The following SZRD1 variants were observed in gnomAD, a reference collection of about 807,000 sequenced individuals.
The protein encoded by SZRD1 is SUZ RNA binding domain containing 1.
A neutral mutation model predicts 17.6 loss-of-function variants in SZRD1; 7 were observed. The ratio of observed to expected loss-of-function variants is 0.40; its 90% CI spans 0.23 to 0.75. The LOEUF (loss-of-function observed/expected upper bound fraction) is 0.75, where lower values mean the gene tolerates loss of function less well. Among genes scored for constraint, SZRD1 ranks in the 30% least tolerant of loss-of-function variants. SZRD1 has a pLI of 0.38. For synonymous variants in SZRD1, 77 were observed against 77.9 expected, an observed-to-expected ratio of 0.99 and a Z score of 0.06; for missense variants, 178 against 201.8, an observed-to-expected ratio of 0.88 and a Z score of 0.71.
intron 1 of SZRD1, among the ~76,000 whole-genome samples, chr1:16,373,230 AGT>A (rs2082942407): frequency 1.1e-5 from 1 of 92,554 alleles, no homozygotes; most frequent in East Asian, 4.7e-4. Flanking sequence ...GGAGCTTTGA[AGT>A]TTTTTTTTTT....
chr1:16,377,063 C>T (rs1212773012), intron 1 of SZRD1, among the ~76,000 whole-genome samples: 1 of 152,148 alleles, frequency 6.6e-6, no homozygotes, highest in Admixed American at 6.6e-5. Flanking sequence ...TGCAATCCTC[C>T]TTTACCTGTT....
At chr1:16,370,453 C>T (rs1391397442) in intron 1 of SZRD1, among the ~76,000 whole-genome samples, 1 of 151,930 alleles carries the variant, frequency 6.6e-6, no homozygotes, top group Non-Finnish European at 1.5e-5. Context: ...TCTCGAACTC[C>T]TGGCCTCAAG....
chr1:16,373,503 T>G (rs1393466035), intron 1 of SZRD1, among the ~76,000 whole-genome samples: 2 of 144,402 alleles, frequency 1.4e-5, no homozygotes, highest in Non-Finnish European at 3.0e-5. Flanking sequence ...CGCTTGAACC[T>G]GGGAGGTGGA....
At chr1:16,368,852 C>G (rs953727477) in intron 1 of SZRD1, among the ~76,000 whole-genome samples, 1 of 152,178 alleles carries the variant, frequency 6.6e-6, no homozygotes, top group African/African-American at 2.4e-5. Context: ...CTTGGCCTTT[C>G]TTTGGTTTTC....
rs1173473980 is a variant in SZRD1 at position 16,395,467 on chromosome 1, A to G, written c.*327A>G. On this transcript the variant is annotated 3_prime_UTR_variant, in exon 4 of 4. Transcript: ENST00000401088. ...ACAGTGCCACTTGGCCACTTGGGGTAAAGCCAGTGCCAGCAATAACAGTTT... is the reference window on the plus strand; with the variant it reads ...ACAGTGCCACTTGGCCACTTGGGGTGAAGCCAGTGCCAGCAATAACAGTTT... 3 of 355,626 alleles carry G rather than the reference A, an allele frequency of 8.4e-6. No homozygotes were observed. The highest frequency in any genetic ancestry group is 3.1e-5 in the South Asian group (1 of 32,422). 22.0% of individuals were successfully genotyped at this position (355,626 alleles called of 1,614,324 possible).
At chr1:16,369,088 T>G (rs963169936) in intron 1 of SZRD1, 11 of 333,348 alleles carry the variant, frequency 3.3e-5, no homozygotes, top group African/African-American at 2.4e-4. Flanking sequence ...GTTCTTTCTT[T>G]TTTCTTTTGG....
intron 1 of SZRD1, among the ~76,000 whole-genome samples, chr1:16,383,211 C>T (rs541305986): frequency 6.6e-6 from 1 of 150,450 alleles, no homozygotes; most frequent in South Asian, 2.1e-4. Flanking sequence ...TTGCTTGCTT[C>T]TTTCCTTTTT....
rs374711991 is a variant in SZRD1 at position 16,393,293 on chromosome 1, C to T, written c.167C>T (p.Pro56Leu). The T allele has an allele frequency of 2.9e-5, 46 of 1,614,030 alleles. No individual in the cohort carries two copies. The African/African-American group carries it at 4.5e-4, about 16-fold the overall frequency. Residue 56 changes from proline to leucine, a missense_variant, in exon 3 of 4, where the codon CCC (proline) becomes CTC (leucine). By Grantham distance (98) the Pro-to-Leu change is moderately conservative (BLOSUM62 -3). Transcript: ENST00000401088. The surrounding 1 kb of genome is among the most constrained non-coding windows in gnomAD (Gnocchi z 5.6). ...CAGGACGATAGCCTTCCCGCGGGGC[C>T]CCCTCCACAGATCCGCATCCTCAAG... Reference protein sequence around the residue: ...VIQDDSLPAGPPPQIRILKRP... With the variant: ...VIQDDSLPAGLPPQIRILKRP...
In SZRD1 at chr1:16,397,571, G is replaced by A. The variant is rs536323544; in HGVS notation, c.*2431G>A. 1 of 152,280 alleles carries A rather than the reference G, an allele frequency of 6.6e-6. No individual in the cohort carries two copies. Among genetic ancestry groups the A allele is most frequent in the South Asian group, 2.1e-4 (1 of 4,826 alleles). The allele number at this position is 152,280 out of a possible 1,614,324, so 9.4% of individuals were successfully genotyped here. On this transcript the variant is annotated 3_prime_UTR_variant, in exon 4 of 4. Coordinates refer to ENST00000401088, the MANE Select transcript of SZRD1 (RefSeq NM_001114600.3). This position sits in a 1 kb window ranked among gnomAD's most constrained non-coding sequence, Gnocchi z 5.4. ...CTGCTGCCCCTTTATCTGCCTTCAC[G>A]GTACTGTCCCCTTCCCCCAGCTCCT...
intron 1 of SZRD1, chr1:16,387,676 T>C (rs756658825): frequency 2.2e-5 from 10 of 456,612 alleles, no homozygotes; most frequent in Non-Finnish European, 4.4e-5. Flanking sequence ...ATTCTACAGC[T>C]GTCAAGGCTC....
intron 1 of SZRD1, among the ~76,000 whole-genome samples, chr1:16,373,156 C>A (rs1029202409): frequency 6.7e-6 from 1 of 150,136 alleles, no homozygotes; most frequent in African/African-American, 2.5e-5. Context: ...TATGTAGGGG[C>A]CAGATTGGGA....
intron 1 of SZRD1, chr1:16,387,270 G>C (rs1460338333): frequency 2.2e-6 from 1 of 456,412 alleles, no homozygotes; most frequent in South Asian, 1.5e-5. Flanking sequence ...CCTTGTGCTG[G>C]AACTGGGCAG....
intron 1 of SZRD1, among the ~76,000 whole-genome samples, chr1:16,370,424 A>G (rs2100689234): frequency 6.6e-6 from 1 of 151,332 alleles, no homozygotes; most frequent in Admixed American, 6.6e-5. Context: ...ACGGGGTTTC[A>G]CCATGTTGGC....
intron 1 of SZRD1, among the ~76,000 whole-genome samples, chr1:16,383,363 G>A (rs1363631980): frequency 2.6e-5 from 4 of 151,888 alleles, no homozygotes; most frequent in African/African-American, 9.7e-5. Flanking sequence ...TGGGACTACA[G>A]GTGTGTGCCA....
intron 1 of SZRD1, among the ~76,000 whole-genome samples, chr1:16,380,815 C>A (rs2083088316): frequency 6.6e-6 from 1 of 152,036 alleles, no homozygotes; most frequent in Non-Finnish European, 1.5e-5. Flanking sequence ...CCATTTTGGC[C>A]AGGCTGGTCT....
chr1:16,379,017 G>T (rs1279407834), intron 1 of SZRD1, among the ~76,000 whole-genome samples: 11 of 149,730 alleles, frequency 7.3e-5, no homozygotes, highest in African/African-American at 2.7e-4. Flanking sequence ...GTGAGCCACT[G>T]TGCCCGACCT....
Position 16,392,126 on chromosome 1 carries a change from T to C in SZRD1, c.101+702T>C, listed in dbSNP as rs72904131. Among the ~76,000 whole-genome samples the C allele has an allele frequency of 3.5e-3, 529 of 152,264 alleles. 9 individuals are homozygous for C. In the East Asian group the frequency reaches 0.049, roughly 14 times the overall value. ...CTAGTTTTCCTGGCTCCCTGCCTCT[T>C]TGATCAGATTGCTGGCTCCTTGTCT... On this transcript the variant is annotated intron_variant, in intron 2 of 3. Coordinates refer to ENST00000401088, the MANE Select transcript of SZRD1 (RefSeq NM_001114600.3).
In SZRD1 at chr1:16,397,542, G is replaced by A. The variant is rs1331723589; in HGVS notation, c.*2402G>A. ...CCAGGGGGATGGGGGGCAGAAACCT[G>A]AGGCTGCTGCCCCTTTATCTGCCTT... On this transcript the variant is annotated 3_prime_UTR_variant, in exon 4 of 4. Transcript: ENST00000401088. The surrounding 1 kb of genome is among the most constrained non-coding windows in gnomAD (Gnocchi z 5.4). 1 of 152,248 alleles carries A rather than the reference G, an allele frequency of 6.6e-6. No individual in the cohort carries two copies. Among genetic ancestry groups the A allele is most frequent in the Non-Finnish European group, 1.5e-5 (1 of 68,080 alleles). 9.4% of individuals were successfully genotyped at this position (152,248 alleles called of 1,614,324 possible). A position where few individuals can be genotyped will look rare whatever the true frequency, so the allele number is the denominator to read the frequency against.
chr1:16,392,799 AC>A (rs1385420240), intron 2 of SZRD1, among the ~76,000 whole-genome samples: 1 of 152,004 alleles, frequency 6.6e-6, no homozygotes, highest in Non-Finnish European at 1.5e-5. Flanking sequence ...AACACTGCTG[AC>A]CCCCAAGTTC....
Sources: gnomAD v4.1 joint callset for allele counts (sites outside exome capture counted in the v4.1 genomes callset) on GRCh38, gnomAD v4.1.1 for gene constraint, Gnocchi (gnomAD v3.1) non-coding constraint, MANE v1.5 for transcripts, NCBI Gene and HGNC (gene_info 2026-07-23, HGNC 2026-07-21) for gene names.